The following CSMD1 variants were observed in gnomAD, a reference collection of about 807,000 sequenced individuals.
CSMD1 encodes CUB and sushi domain-containing protein 1.
In CSMD1, 213 loss-of-function variants were observed where a neutral mutation model predicts 417.5. The ratio of observed to expected loss-of-function variants is 0.51; its 90% CI spans 0.46 to 0.57. CSMD1 has a LOEUF of 0.57. CSMD1 is among the 20% of genes least tolerant of loss of function. The probability of loss-of-function intolerance (pLI) is 0.00; values close to 1 mark genes in which losing one functional copy is unlikely to be tolerated. For synonymous variants in CSMD1, 2,862 were observed against 1,736.8 expected, an observed-to-expected ratio of 1.65 and a Z score of -16.11; for missense variants, 6,923 against 4,529.7, an observed-to-expected ratio of 1.53 and a Z score of -15.17.
At chr8:3,313,069 G>A (rs980790641) in intron 23 of CSMD1, among the ~76,000 whole-genome samples, 1 of 152,174 alleles carries the variant, frequency 6.6e-6, no homozygotes, top group Non-Finnish European at 1.5e-5. Context: ...ATTCTATGAT[G>A]TTAATTCTGC....
At chr8:4,662,643 A>T (rs973847982) in intron 1 of CSMD1, among the ~76,000 whole-genome samples, 1 of 151,862 alleles carries the variant, frequency 6.6e-6, no homozygotes, top group Non-Finnish European at 1.5e-5. Flanking sequence ...GAAATATAAA[A>T]CCCCTTTCAG....
At chr8:3,453,553 C>G (rs1815895859) in intron 12 of CSMD1, among the ~76,000 whole-genome samples, 3 of 152,104 alleles carry the variant, frequency 2.0e-5, no homozygotes, top group African/African-American at 7.2e-5. Context: ...TTATTTCTAC[C>G]TTCATTTCGT....
intron 8 of CSMD1, among the ~76,000 whole-genome samples, chr8:3,597,940 C>G (rs1238009919): frequency 6.6e-6 from 1 of 152,158 alleles, no homozygotes; most frequent in Non-Finnish European, 1.5e-5. Context: ...ACATATGTAA[C>G]AAACCTGCAC....
At chr8:4,357,935 G>C (rs916606709) in intron 3 of CSMD1, among the ~76,000 whole-genome samples, 2 of 152,004 alleles carry the variant, frequency 1.3e-5, no homozygotes, top group African/African-American at 4.8e-5. Flanking sequence ...TTAATTAAAA[G>C]CCCATTGCTA....
rs1815357348 is a variant in CSMD1 at position 3,998,047 on chromosome 8, G to T, written c.674C>A (p.Pro225His). Residue 225 changes from proline (P) to histidine (H), a missense_variant, in exon 5 of 70, where the codon CCT becomes CAT. By Grantham distance (77) the Pro-to-His change is moderately conservative. Transcript: ENST00000635120. ...TSSSISSPHF[P>H]SEYENNADCT... ...GTCCGCGTTGTTCTCGTACTCTGAA[G>T]GGAAGTGCGGGCTGGAGATGGAGCT... The T allele has an allele frequency of 1.3e-6, 2 of 1,599,438 alleles. No homozygotes were observed. Among genetic ancestry groups the T allele is most frequent in the African/African-American group, 1.3e-5 (1 of 74,680 alleles).
At chr8:4,636,039 T>A (rs1008857836) in intron 2 of CSMD1, among the ~76,000 whole-genome samples, 3 of 152,038 alleles carry the variant, frequency 2.0e-5, no homozygotes, top group Admixed American at 2.0e-4. Context: ...ATTTAACCTA[T>A]TAGTTATGTA....
intron 33 of CSMD1, 115 bp from the exon 34 acceptor site, chr8:3,190,230 A>T (rs1796331281): frequency 4.2e-6 from 3 of 714,748 alleles, no homozygotes; most frequent in Non-Finnish European, 7.0e-6. Flanking sequence ...AGAGAATTTA[A>T]TAACGACTCC....
chr8:4,872,184 C>G (rs530767520), intron 1 of CSMD1, among the ~76,000 whole-genome samples: 4 of 152,186 alleles, frequency 2.6e-5, no homozygotes, highest in African/African-American at 9.6e-5. Context: ...TCTGTGTTAG[C>G]CTGTGTGACT....
chr8:4,897,625 T>C (rs1804586032), intron 1 of CSMD1, among the ~76,000 whole-genome samples: 1 of 152,108 alleles, frequency 6.6e-6, no homozygotes, highest in Non-Finnish European at 1.5e-5. Context: ...TTATTTGTCA[T>C]TACGTTAATG....
chr8:3,297,643 C>T (rs974535227), intron 25 of CSMD1, among the ~76,000 whole-genome samples: 1 of 152,014 alleles, frequency 6.6e-6, no homozygotes, highest in Non-Finnish European at 1.5e-5. Flanking sequence ...ATACTGTACA[C>T]AAAAATTTAT....
At chr8:4,340,658 A>T (rs907628678) in intron 3 of CSMD1, among the ~76,000 whole-genome samples, 1 of 152,054 alleles carries the variant, frequency 6.6e-6, no homozygotes, top group African/African-American at 2.4e-5. Flanking sequence ...GTCGTGAATT[A>T]TATTAACCTA....
chr8:3,631,980 T>A (rs900534991), intron 7 of CSMD1, among the ~76,000 whole-genome samples: 1 of 152,222 alleles, frequency 6.6e-6, no homozygotes, highest in Non-Finnish European at 1.5e-5. Context: ...AGTTACACAT[T>A]GTACACTTAG....
chr8:3,337,043 G>C (rs750021097), intron 23 of CSMD1, among the ~76,000 whole-genome samples: 1 of 152,196 alleles, frequency 6.6e-6, no homozygotes, highest in Non-Finnish European at 1.5e-5. Flanking sequence ...TTCTGGGGAG[G>C]CTGGAGCTGG....
chr8:4,687,544 A>G (rs1289212702), intron 1 of CSMD1, among the ~76,000 whole-genome samples: 1 of 152,218 alleles, frequency 6.6e-6, no homozygotes, highest in Non-Finnish European at 1.5e-5. Context: ...TATTTGGGAA[A>G]TAAGAAATTG....
chr8:4,248,940 G>A (rs145802467), intron 3 of CSMD1, among the ~76,000 whole-genome samples: 10 of 152,262 alleles, frequency 6.6e-5, no homozygotes, highest in Non-Finnish European at 1.2e-4. Flanking sequence ...GCATGTAGAT[G>A]CATAATACCA....
At chr8:4,223,299 C>G (rs938113313) in intron 3 of CSMD1, among the ~76,000 whole-genome samples, 2 of 152,208 alleles carry the variant, frequency 1.3e-5, no homozygotes, top group African/African-American at 2.4e-5. Context: ...CGAAATTCAC[C>G]TGCACACTCG....
chr8:3,659,650 G>C (rs546523994), intron 7 of CSMD1, among the ~76,000 whole-genome samples: 1 of 152,114 alleles, frequency 6.6e-6, no homozygotes, highest in African/African-American at 2.4e-5. Context: ...TGGCAAAGCA[G>C]ATAACAAGAA....
rs545732190 is a variant in CSMD1 at position 4,487,996 on chromosome 8, A to G, written c.303-67931T>C. ...TGTGAAAATCCTACCCATTAAGGTG[A>G]TGCTATTATGAGATGGGGCTTTCTG... On this transcript the variant is annotated intron_variant, in intron 2 of 69. Coordinates refer to ENST00000635120, the MANE Select transcript of CSMD1 (RefSeq NM_033225.6). 4.2e-3 allele frequency among the ~76,000 whole-genome samples: 647 copies of G among 152,278 alleles called. 3 individuals carry two copies. The highest frequency in any genetic ancestry group is 0.015 in the African/African-American group (622 of 41,544).
At chr8:4,448,911 T>C (rs1187944691) in intron 2 of CSMD1, among the ~76,000 whole-genome samples, 4 of 152,208 alleles carry the variant, frequency 2.6e-5, no homozygotes, top group African/African-American at 4.8e-5. Flanking sequence ...ACATATTTCA[T>C]CTATTAAGTT....
Sources: gnomAD v4.1 joint callset for allele counts (sites outside exome capture counted in the v4.1 genomes callset) on GRCh38, gnomAD v4.1.1 for gene constraint, MANE v1.5 for transcripts, NCBI Gene and HGNC (gene_info 2026-07-23, HGNC 2026-07-21) for gene names.